Variants in HMCN2 observed in about 807,000 individuals in gnomAD.
HMCN2 encodes hemicentin-2.
A neutral mutation model predicts 377.5 loss-of-function variants in HMCN2; 325 were observed. The observed-to-expected ratio is 0.86, with a 90% CI of 0.79 to 0.94. The LOEUF is 0.94. Ranked by LOEUF, HMCN2 falls within the 40% of genes least tolerant of loss-of-function variation. HMCN2 has a pLI of 0.00. For synonymous variants in HMCN2, 2,007 were observed against 2,046.8 expected (o/e 0.98, Z 0.53); for missense variants, 4,543 against 4,725.3 (o/e 0.96, Z 1.13).
At chr9:130,275,250 C>T (rs999654435) in intron 1 of HMCN2, among the ~76,000 whole-genome samples, 19 of 152,212 alleles carry the variant, frequency 1.2e-4, no homozygotes, top group South Asian at 1.0e-3. Context: ...GTCTCTGGGG[C>T]TCCTGCGGCT....
At chr9:130,402,205 G>T (rs1001446209) in intron 77 of HMCN2, among the ~76,000 whole-genome samples, 3 of 152,272 alleles carry the variant, frequency 2.0e-5, no homozygotes, top group Non-Finnish European at 4.4e-5. Context: ...GGGTGGGCCA[G>T]AGTGCCGTGG....
Position 130,361,560 on chromosome 9 carries a change from A to G in HMCN2, c.5951-448A>G, listed in dbSNP as rs1194507976. 1.3e-5 allele frequency among the ~76,000 whole-genome samples: 2 copies of G among 152,196 alleles called. No individual in the cohort carries two copies. The highest frequency in any genetic ancestry group is 2.9e-5 in the Non-Finnish European group (2 of 68,024). The stretch of plus-strand genomic sequence containing the variant: ...GCAGAGGCCTGGGACCCTGGGCATC[A>G]TGGCTGGTGCCTCCCAGATACAATG... On this transcript the variant is annotated intron_variant, in intron 38 of 97. Transcript: ENST00000683500. This position sits in a 1 kb window ranked among gnomAD's most constrained non-coding sequence, Gnocchi z 4.8.
intron 6 of HMCN2, 129 bp downstream of exon 6, chr9:130,295,901 C>T (rs954024545): frequency 2.4e-5 from 9 of 382,962 alleles, no homozygotes; most frequent in Non-Finnish European, 4.2e-5. Flanking sequence ...GTGATGTGGT[C>T]GTATCAATAG....
intron 25 of HMCN2, among the ~76,000 whole-genome samples, chr9:130,343,859 G>A (rs1218352701): frequency 6.6e-6 from 1 of 152,212 alleles, no homozygotes; most frequent in Admixed American, 6.5e-5. Context: ...TACAGGGTTG[G>A]GACTGAGCCC....
Position 130,402,901 on chromosome 9 carries a change from G to A in HMCN2, c.11878+5G>A. 1.6e-6 allele frequency: 2 copies of A among 1,289,070 alleles called. No homozygotes were observed. Among genetic ancestry groups the A allele is most frequent in the Non-Finnish European group, 2.0e-6 (2 of 988,628 alleles). The allele number at this position is 1,289,070 out of a possible 1,614,324, so 79.9% of individuals were successfully genotyped here. A position where few individuals can be genotyped will look rare whatever the true frequency, so the allele number is the denominator to read the frequency against. ...ACGTCTTCCTCACTGTGCAAGGTAA[G>A]GGTCCGTGGTCCAGACCCCAGAGTT... On this transcript the variant is annotated splice_donor_5th_base_variant and intron_variant, in intron 78 of 97. Coordinates refer to ENST00000683500, the MANE Select transcript of HMCN2 (RefSeq NM_001291815.2).
In HMCN2 at chr9:130,428,633, G is replaced by A; in HGVS notation, c.14197+144G>A. The A allele has an allele frequency of 8.2e-7, 1 of 1,221,956 alleles. No homozygotes were observed. Among genetic ancestry groups the A allele is most frequent in the Non-Finnish European group, 1.1e-6 (1 of 894,868 alleles). 75.7% of individuals were successfully genotyped at this position (1,221,956 alleles called of 1,614,324 possible). ...TTGGCAGAAGGAGTACAGCAAGGCT[G>A]GGGACAAAGCCTGCGCCAGGCTCTG... On this transcript the variant is annotated intron_variant, in intron 93 of 97. Transcript: ENST00000683500. The surrounding 1 kb of genome is among the most constrained non-coding windows in gnomAD (Gnocchi z 5.0).
At chr9:130,356,044 T>C (rs1291598484) in intron 33 of HMCN2, 44 bp from the exon 34 acceptor site, 2 of 1,192,978 alleles carry the variant, frequency 1.7e-6, no homozygotes, top group Non-Finnish European at 2.2e-6. Context: ...GGCCTGGCCT[T>C]CCCTGGTCTC....
chr9:130,355,097 G>C, intron 32 of HMCN2, 53 bp downstream of exon 32: 1 of 1,210,520 alleles, frequency 8.3e-7, no homozygotes, highest in Non-Finnish European at 1.1e-6. Context: ...CGTCTGCCCA[G>C]GCCTGCTGCG....
chr9:130,353,224 C>T lies in HMCN2; in HGVS notation c.4864+19C>T, dbSNP rs766532339. ...GTTTATGGTGAGCAGCCAGGGGCCA[C>T]GGCAGCCGGGGTGGGCAGTGGGAGG... On this transcript the variant is annotated intron_variant, in intron 31 of 97. Transcript: ENST00000683500. 1.1e-4 allele frequency: 142 copies of T among 1,300,206 alleles called. No homozygotes were observed. The highest frequency in any genetic ancestry group is 4.4e-4 in the East Asian group (8 of 17,984). 80.5% of individuals were successfully genotyped at this position (1,300,206 alleles called of 1,614,324 possible).
rs10819633 is a variant in HMCN2 at position 130,308,349 on chromosome 9, G to T, written c.2200+783G>T. ...GACGATAATGTGATTATCTGAAAAT[G>T]ACAGCAATAATGACAGGGTTGTCCT... On this transcript the variant is annotated intron_variant, in intron 14 of 97. Coordinates refer to ENST00000683500, the MANE Select transcript of HMCN2 (RefSeq NM_001291815.2). The surrounding 1 kb of genome is among the most constrained non-coding windows in gnomAD (Gnocchi z 4.1). Among the ~76,000 whole-genome samples, 35,050 of 152,188 alleles carry T rather than the reference G, an allele frequency of 0.23. 4,866 individuals carry two copies. Among genetic ancestry groups the T allele is most frequent in the East Asian group, 0.52 (2,697 of 5,170 alleles).
chr9:130,425,245 G>C, intron 89 of HMCN2, 115 bp downstream of exon 89: 1 of 1,228,154 alleles, frequency 8.1e-7, no homozygotes, highest in Non-Finnish European at 1.1e-6. Context: ...AGCGCTGCAG[G>C]GCTGGGTCAC....
At chr9:130,430,050 G>C in intron 94 of HMCN2, 1 of 605,318 alleles carries the variant, frequency 1.7e-6, no homozygotes, top group Non-Finnish European at 2.9e-6. Flanking sequence ...GGGAGCTGGA[G>C]TCTGGGACGA....
chr9:130,275,098 CCG>C (rs201978430), intron 1 of HMCN2, among the ~76,000 whole-genome samples: 3 of 152,294 alleles, frequency 2.0e-5, no homozygotes, highest in African/African-American at 4.8e-5. Flanking sequence ...TTTCCCCACA[CCG>C]CCGCCAGCAT....
At chr9:130,358,065 TCTGAGCAAATCCCAGCAGG>T in intron 35 of HMCN2, 77 bp downstream of exon 35, 2 of 1,172,454 alleles carry the variant, frequency 1.7e-6, no homozygotes, top group Non-Finnish European at 2.2e-6. Context: ...TCCTGGAGAC[TCTGAGCAAATCCCAGCAGG>T]CTGGGCATAG....
chr9:130,385,889 A>G (rs900089395), intron 60 of HMCN2, 127 bp downstream of exon 60: 5 of 532,966 alleles, frequency 9.4e-6, no homozygotes, highest in Middle Eastern at 7.1e-4. Context: ...TCAGACCCCA[A>G]ACCGAGTGGA....
At chr9:130,295,296 A>C (rs1413776866) in intron 5 of HMCN2, among the ~76,000 whole-genome samples, 2 of 152,046 alleles carry the variant, frequency 1.3e-5, no homozygotes, top group Non-Finnish European at 2.9e-5. Flanking sequence ...GTGGTACCCC[A>C]GTGGATTCTC....
Position 130,399,673 on chromosome 9 carries a change from G to C in HMCN2, c.11605+41G>C, listed in dbSNP as rs112448202. The C allele has an allele frequency of 9.6e-6, 12 of 1,254,214 alleles. No homozygotes were observed. In the African/African-American group the frequency reaches 1.4e-4, roughly 14 times the overall value. The allele number at this position is 1,254,214 out of a possible 1,614,324, so 77.7% of individuals were successfully genotyped here. A position where few individuals can be genotyped will look rare whatever the true frequency, so the allele number is the denominator to read the frequency against. On this transcript the variant is annotated intron_variant, in intron 76 of 97. Coordinates refer to ENST00000683500, the MANE Select transcript of HMCN2 (RefSeq NM_001291815.2). ...GGTGGAGGGGGACACCTGGGGTGGG[G>C]GCAGCGCCTTCCCGCTCTTGGGTGC... is the stretch of plus-strand genomic sequence containing the variant.
intron 22 of HMCN2, among the ~76,000 whole-genome samples, chr9:130,334,080 G>A (rs1030611135): frequency 3.9e-5 from 6 of 152,198 alleles, no homozygotes; most frequent in South Asian, 4.1e-4. Flanking sequence ...TGATGTCTCC[G>A]TATTGGAAGA....
intron 77 of HMCN2, among the ~76,000 whole-genome samples, chr9:130,401,666 C>T (rs537117341): frequency 1.1e-4 from 16 of 151,542 alleles, no homozygotes; most frequent in Non-Finnish European, 1.8e-4. Flanking sequence ...CAAAATAAAA[C>T]GTTGGAAGCT....
Sources: gnomAD v4.1 joint callset for allele counts (sites outside exome capture counted in the v4.1 genomes callset) on GRCh38, gnomAD v4.1.1 for gene constraint, Gnocchi (gnomAD v3.1) non-coding constraint, MANE v1.5 for transcripts, NCBI Gene and HGNC (gene_info 2026-07-23, HGNC 2026-07-21) for gene names.